TMEM163: variants seen among roughly 807,000 people sequenced by gnomAD.
TMEM163 encodes the protein transmembrane protein 163.
A neutral mutation model predicts 29.3 loss-of-function variants in TMEM163; 17 were observed. That is an observed-to-expected ratio of 0.58 (90% confidence interval 0.40 to 0.87). The LOEUF (loss-of-function observed/expected upper bound fraction) is 0.87, where lower values mean the gene tolerates loss of function less well. Among genes scored for constraint, TMEM163 ranks in the 40% least tolerant of loss-of-function variants. The pLI is 0.00. For synonymous variants in TMEM163, 157 were observed against 160.6 expected, an observed-to-expected ratio of 0.98 and a Z score of 0.17; for missense variants, 303 against 381.5, an observed-to-expected ratio of 0.79 and a Z score of 1.71.
intron 2 of TMEM163, among the ~76,000 whole-genome samples, chr2:134,681,835 T>C (rs1684255480): frequency 6.6e-6 from 1 of 152,226 alleles, no homozygotes. Flanking sequence ...ACTGCCAATT[T>C]AGTTTTCACA....
chr2:134,693,608 C>CAAAAAA (rs35183610), intron 2 of TMEM163, among the ~76,000 whole-genome samples: 1 of 66,652 alleles, frequency 1.5e-5, no homozygotes, highest in East Asian at 4.2e-4. Context: ...AAAACTACAT[C>CAAAAAA]AAAAAAAAAA....
intron 2 of TMEM163, among the ~76,000 whole-genome samples, chr2:134,627,385 T>C (rs1469553550): frequency 6.6e-6 from 1 of 152,220 alleles, no homozygotes; most frequent in Non-Finnish European, 1.5e-5. Flanking sequence ...TTACCAGGCT[T>C]TTCTCTTTGG....
At chr2:134,593,933 G>C (rs182650872) in intron 2 of TMEM163, among the ~76,000 whole-genome samples, 121 of 152,090 alleles carry the variant, frequency 8.0e-4, no homozygotes, top group Admixed American at 1.9e-3. Context: ...CATTCCTGCA[G>C]GGGAGGCATA....
intron 2 of TMEM163, among the ~76,000 whole-genome samples, chr2:134,698,669 T>G (rs1207750621): frequency 6.6e-6 from 1 of 152,158 alleles, no homozygotes; most frequent in Non-Finnish European, 1.5e-5. Context: ...CAACTTTCAA[T>G]TTCTCATTGT....
chr2:134,582,957 T>G (rs547206912), intron 2 of TMEM163, among the ~76,000 whole-genome samples: 1 of 152,314 alleles, frequency 6.6e-6, no homozygotes, highest in East Asian at 1.9e-4. Context: ...CTAAGAGATC[T>G]CTACTCTGGG....
intron 2 of TMEM163, among the ~76,000 whole-genome samples, chr2:134,664,131 C>T (rs1683820343): frequency 6.6e-6 from 1 of 152,246 alleles, no homozygotes; most frequent in Non-Finnish European, 1.5e-5. Context: ...CCAGCTTTCA[C>T]CAACAGCAGG....
intron 2 of TMEM163, among the ~76,000 whole-genome samples, chr2:134,592,483 A>G (rs1681958994): frequency 6.6e-6 from 1 of 152,168 alleles, no homozygotes; most frequent in Non-Finnish European, 1.5e-5. Flanking sequence ...TCAGGTTGGA[A>G]TTTAGTATCT....
chr2:134,582,062 A>C (rs1480167827), intron 2 of TMEM163, among the ~76,000 whole-genome samples: 1 of 152,208 alleles, frequency 6.6e-6, no homozygotes, highest in African/African-American at 2.4e-5. Context: ...AGAGAGCACA[A>C]GGTATGCAAG....
chr2:134,531,679 C>T (rs1574212803), intron 4 of TMEM163, among the ~76,000 whole-genome samples: 1 of 152,016 alleles, frequency 6.6e-6, no homozygotes, highest in African/African-American at 2.4e-5. Flanking sequence ...GAGCAAGGCA[C>T]AGGAGAAGGG....
At chr2:134,616,898 A>G (rs1381465602) in intron 2 of TMEM163, among the ~76,000 whole-genome samples, 1 of 152,228 alleles carries the variant, frequency 6.6e-6, no homozygotes, top group Admixed American at 6.5e-5. Flanking sequence ...CCAAATGAAG[A>G]CTAAAAGAAT....
rs535290617 is a variant in TMEM163, at chr2:134,524,737, T to C, written c.459-21740A>G. On this transcript the variant is annotated intron_variant, in intron 4 of 7. Transcript: ENST00000281924. ...TGGCTGCGTAGTATTCCATGGTATA[T>C]ATGTACCACATTTTCTTTATCCAGT... Among the ~76,000 whole-genome samples, 113 of 150,636 alleles carry C rather than the reference T, an allele frequency of 7.5e-4. 3 individuals carry two copies. The highest frequency in any genetic ancestry group is 2.2e-4 in the South Asian group (1 of 4,522).
chr2:134,537,199 CA>C (rs1348869784), intron 4 of TMEM163, among the ~76,000 whole-genome samples: 1 of 152,178 alleles, frequency 6.6e-6, no homozygotes, highest in African/African-American at 2.4e-5. Flanking sequence ...TCCCAAGGCC[CA>C]GGATCCCTAT....
At chr2:134,581,393 G>C (rs1459600383) in intron 2 of TMEM163, among the ~76,000 whole-genome samples, 3 of 152,076 alleles carry the variant, frequency 2.0e-5, no homozygotes, top group African/African-American at 7.2e-5. Flanking sequence ...AATAGCCTTA[G>C]CAACACATCA....
At chr2:134,568,762 T>C (rs563529847) in intron 2 of TMEM163, among the ~76,000 whole-genome samples, 49 of 151,008 alleles carry the variant, frequency 3.2e-4, no homozygotes, top group African/African-American at 1.1e-3. Flanking sequence ...AGGAAAGAAA[T>C]CTTAGGTCTG....
intron 2 of TMEM163, among the ~76,000 whole-genome samples, chr2:134,677,469 A>ATT (rs67633762): frequency 1.5e-4 from 23 of 151,990 alleles, no homozygotes; most frequent in South Asian, 4.2e-4. Context: ...ATATAGTTGG[A>ATT]TTTTTTTTAA....
At chr2:134,585,028 G>A (rs1366831097) in intron 2 of TMEM163, among the ~76,000 whole-genome samples, 1 of 152,188 alleles carries the variant, frequency 6.6e-6, no homozygotes, top group Admixed American at 6.5e-5. Flanking sequence ...TAGAACTTGA[G>A]AGGCCCCTAA....
chr2:134,537,935 T>A (rs1004926662), intron 4 of TMEM163, among the ~76,000 whole-genome samples: 2 of 152,174 alleles, frequency 1.3e-5, no homozygotes, highest in Non-Finnish European at 2.9e-5. Flanking sequence ...CCCACTAGAA[T>A]GGCTGGAACC....
At chr2:134,516,698 TATATTC>T (rs1195025352) in intron 4 of TMEM163, among the ~76,000 whole-genome samples, 2 of 104,020 alleles carry the variant, frequency 1.9e-5, no homozygotes, top group Admixed American at 1.9e-4. Context: ...TATATATGCA[TATATTC>T]ATATATACAT....
At chr2:134,694,351 T>C (rs1464267793) in intron 2 of TMEM163, among the ~76,000 whole-genome samples, 1 of 152,154 alleles carries the variant, frequency 6.6e-6, no homozygotes, top group Admixed American at 6.5e-5. Flanking sequence ...ACTATTGGAA[T>C]TGACCTAAAG....
Sources: allele counts gnomAD v4.1 joint callset (sites outside exome capture counted in the v4.1 genomes callset), GRCh38; gene constraint gnomAD v4.1.1; transcripts MANE v1.5; gene names NCBI Gene and HGNC (gene_info 2026-07-23, HGNC 2026-07-21).